The following CCSER1 variants were observed in gnomAD, a reference collection of about 807,000 sequenced individuals.
The protein encoded by CCSER1 is coiled-coil serine rich protein 1.
A neutral mutation model predicts 82.0 loss-of-function variants in CCSER1; 41 were observed. The observed-to-expected ratio is 0.50, with a 90% confidence interval of 0.39 to 0.65. The LOEUF (loss-of-function observed/expected upper bound fraction) is 0.65, where lower values mean the gene tolerates loss of function less well. Ranked by LOEUF, CCSER1 falls within the 30% of genes least tolerant of loss-of-function variation. The probability of loss-of-function intolerance (pLI) is 0.00; values close to 1 mark genes in which losing one functional copy is unlikely to be tolerated. For synonymous variants in CCSER1, 414 were observed against 383.9 expected (o/e 1.08, Z -0.92); for missense variants, 1,119 against 1,064.2 (o/e 1.05, Z -0.72).
chr4:91,115,861 T>TATATA (rs757901995), intron 10 of CCSER1, among the ~76,000 whole-genome samples: 2,872 of 133,508 alleles, frequency 0.022, 81 homozygotes, highest in African/African-American at 0.063. Flanking sequence ...ATATATATAT[T>TATATA]TTTTTTTATT....
chr4:91,312,718 C>T (rs1000036355), intron 10 of CCSER1, among the ~76,000 whole-genome samples: 2 of 151,734 alleles, frequency 1.3e-5, no homozygotes, highest in Admixed American at 6.6e-5. Flanking sequence ...CATTGTAAGT[C>T]GAAATTTCTT....
intron 10 of CCSER1, among the ~76,000 whole-genome samples, chr4:91,115,806 CTTTTTTTT>C (rs527629667): frequency 0.17 from 17,536 of 101,812 alleles, 1,248 homozygotes; most frequent in African/African-American, 0.26. Flanking sequence ...CTAGCTTTTT[CTTTTTTTT>C]TTTTTTTTTT....
chr4:90,271,862 A>T (rs1052411840), intron 1 of CCSER1, among the ~76,000 whole-genome samples: 1,808 of 21,490 alleles, frequency 0.084, 145 homozygotes, highest in Middle Eastern at 0.23. Flanking sequence ...ATATATATAT[A>T]TTTTTTTTTT....
At chr4:91,159,016 A>G (rs1731105996) in intron 10 of CCSER1, among the ~76,000 whole-genome samples, 1 of 151,874 alleles carries the variant, frequency 6.6e-6, no homozygotes, top group Non-Finnish European at 1.5e-5. Context: ...TAAGCTTTCT[A>G]CAGTACAGCT....
intron 10 of CCSER1, among the ~76,000 whole-genome samples, chr4:91,093,348 C>T (rs1476876541): frequency 6.6e-6 from 1 of 152,220 alleles, no homozygotes; most frequent in African/African-American, 2.4e-5. Flanking sequence ...TTATGTTCAA[C>T]AGGGCTGTCT....
chr4:91,503,156 C>A (rs1759301678), intron 10 of CCSER1, among the ~76,000 whole-genome samples: 1 of 152,042 alleles, frequency 6.6e-6, no homozygotes, highest in South Asian at 2.1e-4. Flanking sequence ...TCCTGGCTAA[C>A]ATGGTGAAAC....
intron 10 of CCSER1, among the ~76,000 whole-genome samples, chr4:91,476,659 G>A (rs1757615291): frequency 6.6e-6 from 1 of 151,236 alleles, no homozygotes; most frequent in African/African-American, 2.4e-5. Flanking sequence ...ATACCACAAA[G>A]TTATAGTAAC....
At chr4:90,724,167 T>C (rs1015262702) in intron 7 of CCSER1, among the ~76,000 whole-genome samples, 176 bp downstream of exon 7, 13 of 152,046 alleles carry the variant, frequency 8.6e-5, no homozygotes, top group African/African-American at 3.1e-4. Context: ...TAACTAAAGG[T>C]AAAGGTTTGA....
intron 1 of CCSER1, among the ~76,000 whole-genome samples, chr4:90,201,349 A>G (rs1737668707): frequency 6.6e-6 from 1 of 152,096 alleles, no homozygotes; most frequent in African/African-American, 2.4e-5. Context: ...ATAGGAAAAG[A>G]AGGTAGCAAA....
chr4:91,430,085 A>T (rs2149392217), intron 10 of CCSER1, among the ~76,000 whole-genome samples: 1 of 152,186 alleles, frequency 6.6e-6, no homozygotes, highest in African/African-American at 2.4e-5. Flanking sequence ...AATTGAGACT[A>T]GAAAGACATA....
intron 10 of CCSER1, among the ~76,000 whole-genome samples, chr4:91,274,923 G>A (rs1335056015): frequency 1.3e-5 from 2 of 152,088 alleles, no homozygotes; most frequent in Admixed American, 6.5e-5. Flanking sequence ...GGCTAACACA[G>A]TGAAACCCCG....
intron 10 of CCSER1, among the ~76,000 whole-genome samples, chr4:91,094,312 C>T (rs1724279001): frequency 1.3e-5 from 2 of 152,194 alleles, no homozygotes; most frequent in East Asian, 1.9e-4. Context: ...GATCTTCCCA[C>T]TGAAAGGCAA....
rs975030498 is a variant in CCSER1 at position 91,099,877 on chromosome 4, G to T, written c.2217+13883G>T. 7.4e-4 allele frequency among the ~76,000 whole-genome samples: 113 copies of T among 152,068 alleles called. 2 individuals are homozygous for T. The highest frequency in any genetic ancestry group is 6.6e-4 in the Admixed American group (10 of 15,258). Reference sequence around the variant, plus strand: ...GGTTTCCTATTCAGATCTTTAAAAGGTGCAGACTTAGTTAATCTCTTTAGG... The same window carrying T: ...GGTTTCCTATTCAGATCTTTAAAAGTTGCAGACTTAGTTAATCTCTTTAGG... On this transcript the variant is annotated intron_variant, in intron 10 of 10. Coordinates refer to ENST00000509176, the MANE Select transcript of CCSER1 (RefSeq NM_001145065.2).
At chr4:90,158,900 A>C (rs535003026) in intron 1 of CCSER1, among the ~76,000 whole-genome samples, 2 of 151,988 alleles carry the variant, frequency 1.3e-5, no homozygotes, top group African/African-American at 2.4e-5. Context: ...TGCGCCCACT[A>C]TCTGGCACTC....
chr4:90,989,896 C>T (rs572982491), intron 9 of CCSER1, among the ~76,000 whole-genome samples: 5 of 151,646 alleles, frequency 3.3e-5, no homozygotes, highest in Admixed American at 1.3e-4. Flanking sequence ...AGGGACGATC[C>T]GGAAATATAT....
chr4:90,360,104 A>G lies in CCSER1; in HGVS notation c.1510-39932A>G, dbSNP rs1322349177. On this transcript the variant is annotated intron_variant, in intron 3 of 10. Transcript: ENST00000509176. Reference sequence around the variant, plus strand: ...GGCTAATTTTTTGTATTTTTAGTAGAGACAGGTTTTCACTATGTTGGCCAG... The same window carrying G: ...GGCTAATTTTTTGTATTTTTAGTAGGGACAGGTTTTCACTATGTTGGCCAG... Among the ~76,000 whole-genome samples the G allele has an allele frequency of 3.4e-5, 5 of 148,710 alleles. No individual in the cohort carries two copies. The East Asian group carries it at 8.2e-4, about 24-fold the overall frequency.
In CCSER1 at chr4:90,516,096, A is replaced by G. The variant is rs538632426; in HGVS notation, c.1724+47742A>G. 6.3e-4 allele frequency among the ~76,000 whole-genome samples: 96 copies of G among 152,332 alleles called. 1 individual carries two copies. In the South Asian group the frequency reaches 0.02, roughly 31 times the overall value. ...CTAAGAACAAAAAGAATGAGGTATT[A>G]TAACACGCCCTTCTTTGGACTGTGT... is the stretch of plus-strand genomic sequence containing the variant. On this transcript the variant is annotated intron_variant, in intron 5 of 10. Coordinates refer to ENST00000509176, the MANE Select transcript of CCSER1 (RefSeq NM_001145065.2).
intron 10 of CCSER1, among the ~76,000 whole-genome samples, chr4:91,226,286 T>G (rs1188985199): frequency 1.3e-5 from 2 of 151,848 alleles, no homozygotes; most frequent in Non-Finnish European, 2.9e-5. Context: ...TATGGAAAGG[T>G]AGATCAGTTA....
chr4:90,852,899 T>C (rs1764050798), intron 8 of CCSER1, among the ~76,000 whole-genome samples: 1 of 152,174 alleles, frequency 6.6e-6, no homozygotes, highest in Non-Finnish European at 1.5e-5. Flanking sequence ...GGTTCAAAAC[T>C]CTCTTTAGGT....
Sources: allele counts gnomAD v4.1 joint callset (sites outside exome capture counted in the v4.1 genomes callset), GRCh38; gene constraint gnomAD v4.1.1; transcripts MANE v1.5; gene names NCBI Gene and HGNC (gene_info 2026-07-23, HGNC 2026-07-21).